The following HMGCLL1 variants were observed in gnomAD, a reference collection of about 807,000 sequenced individuals.
HMGCLL1 encodes the protein 3-hydroxy-3-methylglutaryl-CoA lyase like 1, also known as 3-hydroxymethyl-3-methylglutaryl-CoA lyase, cytoplasmic.
HMGCLL1 carries 36 observed loss-of-function variants against 39.1 expected under a neutral mutation model. The ratio of observed to expected loss-of-function variants is 0.92; its 90% CI spans 0.71 to 1.22. The LOEUF (loss-of-function observed/expected upper bound fraction) is 1.22, where lower values mean the gene tolerates loss of function less well. Among genes scored for constraint, HMGCLL1 ranks in the 50% most tolerant of loss-of-function variants. HMGCLL1 has a pLI of 0.00. For missense variants in HMGCLL1, 451 were observed against 416.5 expected (o/e 1.08, Z -0.72); for synonymous variants, 149 against 144.0 (o/e 1.03, Z -0.25).
chr6:55,598,451 C>T, the HMGCLL1 span, among the ~76,000 whole-genome samples: 1 of 152,144 alleles, frequency 6.6e-6, no homozygotes, highest in African/African-American at 2.4e-5. Flanking sequence ...GCGTTGTACT[C>T]CAATGACCAT....
chr6:55,570,826 T>A (rs1285713267), intron 1 of HMGCLL1, among the ~76,000 whole-genome samples: 1 of 152,204 alleles, frequency 6.6e-6, no homozygotes, highest in African/African-American at 2.4e-5. Flanking sequence ...TACCTGAGAC[T>A]AGCTAAATTA....
At chr6:55,632,113 G>A in the HMGCLL1 span, among the ~76,000 whole-genome samples, 1 of 152,100 alleles carries the variant, frequency 6.6e-6, no homozygotes. Flanking sequence ...GAGACACCTA[G>A]ATGAAGAACC....
the HMGCLL1 span, among the ~76,000 whole-genome samples, chr6:55,644,522 T>C: frequency 1.3e-5 from 2 of 152,082 alleles, no homozygotes; most frequent in Admixed American, 1.3e-4. Flanking sequence ...AGCAGTTTCA[T>C]AGTTTGAGGT....
chr6:55,549,153 C>T (rs1770167255), intron 1 of HMGCLL1, among the ~76,000 whole-genome samples: 1 of 145,306 alleles, frequency 6.9e-6, no homozygotes, highest in Non-Finnish European at 1.5e-5. Flanking sequence ...ATTACAATTA[C>T]AATCATTATT....
At chr6:55,617,346 G>A in the HMGCLL1 span, among the ~76,000 whole-genome samples, 2 of 152,030 alleles carry the variant, frequency 1.3e-5, no homozygotes, top group African/African-American at 4.8e-5. Context: ...CTTGGAAACC[G>A]CATGCTAAAA....
intron 1 of HMGCLL1, among the ~76,000 whole-genome samples, chr6:55,543,157 TTA>T (rs1491182000): frequency 0.017 from 115 of 6,610 alleles, 30 homozygotes; most frequent in African/African-American, 0.036. Context: ...ATTATATATA[TTA>T]TATATATAAT....
chr6:55,619,043 C>T, the HMGCLL1 span, among the ~76,000 whole-genome samples: 1 of 151,966 alleles, frequency 6.6e-6, no homozygotes, highest in African/African-American at 2.4e-5. Context: ...TTTCAGGAAA[C>T]AATGGACCCA....
chr6:55,648,777 T>C, the HMGCLL1 span, among the ~76,000 whole-genome samples: 1 of 101,138 alleles, frequency 9.9e-6, no homozygotes, highest in Non-Finnish European at 2.0e-5. Flanking sequence ...AGCCGAATTC[T>C]ACCAGAGGTA....
chr6:55,558,538 A>G (rs1241610127), intron 1 of HMGCLL1, among the ~76,000 whole-genome samples: 1 of 152,206 alleles, frequency 6.6e-6, no homozygotes, highest in Non-Finnish European at 1.5e-5. Context: ...TTCCAGCTCT[A>G]TCAGAATCCA....
At chr6:55,543,496 TC>T (rs1287651545) in intron 1 of HMGCLL1, among the ~76,000 whole-genome samples, 11 of 13,510 alleles carry the variant, frequency 8.1e-4, no homozygotes, top group African/African-American at 1.7e-3. Flanking sequence ...ATGATATATA[TC>T]ATATATATCA....
intron 7 of HMGCLL1, among the ~76,000 whole-genome samples, chr6:55,442,481 G>A (rs1763645103): frequency 6.6e-6 from 1 of 152,062 alleles, no homozygotes; most frequent in Non-Finnish European, 1.5e-5. Flanking sequence ...CTTTAGGCAT[G>A]CCAAAGGGAC....
intron 5 of HMGCLL1, among the ~76,000 whole-genome samples, chr6:55,508,128 T>TGGAGGGCCTGGTTAACAA (rs1188611713): frequency 6.6e-6 from 1 of 151,742 alleles, no homozygotes; most frequent in Non-Finnish European, 1.5e-5. Flanking sequence ...GTCCTATATT[T>TGGAGGGCCTGGTTAACAA]GGAGGGCCTG....
intron 1 of HMGCLL1, among the ~76,000 whole-genome samples, chr6:55,543,545 T>C (rs527739337): frequency 4.9e-4 from 60 of 122,734 alleles, no homozygotes; most frequent in African/African-American, 1.5e-3. Flanking sequence ...TATATATATT[T>C]ACATATATAT....
intron 7 of HMGCLL1, among the ~76,000 whole-genome samples, chr6:55,490,588 A>G (rs1288606683): frequency 1.3e-5 from 2 of 152,118 alleles, no homozygotes; most frequent in African/African-American, 4.8e-5. Context: ...TGATCTAAGT[A>G]TAGTCTGTTG....
At chr6:55,579,342 G>T (rs894378809), upstream of HMGCLL1, 6 of 505,776 alleles carry the variant, frequency 1.2e-5, no homozygotes, top group South Asian at 2.2e-5. Flanking sequence ...ATGTCCAGGG[G>T]TGTCTCATTT....
At chr6:55,672,730 T>C in the HMGCLL1 span, among the ~76,000 whole-genome samples, 3 of 152,026 alleles carry the variant, frequency 2.0e-5, no homozygotes, top group East Asian at 1.9e-4. Context: ...AATTGCAAAA[T>C]ACTATAATAA....
intron 7 of HMGCLL1, among the ~76,000 whole-genome samples, chr6:55,463,869 A>G (rs984080262): frequency 6.6e-5 from 10 of 152,190 alleles, no homozygotes; most frequent in African/African-American, 2.2e-4. Flanking sequence ...TTTAAGTCTC[A>G]CCTCCAGGGC....
the HMGCLL1 span, among the ~76,000 whole-genome samples, chr6:55,623,545 T>C: frequency 1.3e-5 from 2 of 151,776 alleles, no homozygotes; most frequent in African/African-American, 4.8e-5. Flanking sequence ...CATGTGTTTA[T>C]ATACATACAC....
the HMGCLL1 span, among the ~76,000 whole-genome samples, chr6:55,596,064 A>G: frequency 1.3e-5 from 2 of 152,154 alleles, no homozygotes; most frequent in Non-Finnish European, 2.9e-5. Flanking sequence ...ATGGCTCATG[A>G]CTGTAATCCC....
Sources: gnomAD v4.1 joint callset for allele counts (sites outside exome capture counted in the v4.1 genomes callset) on GRCh38, gnomAD v4.1.1 for gene constraint, MANE v1.5 for transcripts, NCBI Gene and HGNC (gene_info 2026-07-23, HGNC 2026-07-21) for gene names.